Variants in DLG2 observed in about 807,000 individuals in gnomAD.
DLG2 encodes the protein disks large homolog 2.
A neutral mutation model predicts 132.5 loss-of-function variants in DLG2; 45 were observed. That is an observed-to-expected ratio of 0.34 (90% CI 0.27 to 0.44). The LOEUF is 0.44. Ranked by LOEUF, DLG2 falls within the 20% of genes least tolerant of loss-of-function variation. DLG2 has a pLI of 1.00. For missense variants in DLG2, 1,045 were observed against 1,196.9 expected (o/e 0.87, Z 1.87); for synonymous variants, 424 against 419.6 (o/e 1.01, Z -0.13).
chr11:84,795,718 C>A (rs960097303), intron 6 of DLG2, among the ~76,000 whole-genome samples: 1 of 152,132 alleles, frequency 6.6e-6, no homozygotes, highest in African/African-American at 2.4e-5. Flanking sequence ...AGAGCTCCAG[C>A]CCTTTGGGGA....
chr11:83,758,209 G>C (rs541295995), intron 18 of DLG2, among the ~76,000 whole-genome samples: 6 of 152,158 alleles, frequency 3.9e-5, no homozygotes, highest in African/African-American at 1.4e-4. Flanking sequence ...TTCCAAACCT[G>C]CCACTTCTAT....
At chr11:83,852,734 GT>G (rs1039805504) in intron 16 of DLG2, among the ~76,000 whole-genome samples, 2 of 152,070 alleles carry the variant, frequency 1.3e-5, no homozygotes, top group Non-Finnish European at 1.5e-5. Context: ...TACAAGTTCT[GT>G]TTTTTTGCTA....
At chr11:85,108,060 A>C (rs1409412257) in intron 6 of DLG2, among the ~76,000 whole-genome samples, 1 of 151,796 alleles carries the variant, frequency 6.6e-6, no homozygotes, top group Non-Finnish European at 1.5e-5. Flanking sequence ...TAGTTAATAG[A>C]AGCCATTTTC....
chr11:85,020,883 G>A, intron 6 of DLG2: 1 of 765,486 alleles, frequency 1.3e-6, no homozygotes. Context: ...CCCCTCCTCA[G>A]CAGAGTCATG....
At chr11:84,186,754 T>A (rs535904238) in intron 8 of DLG2, among the ~76,000 whole-genome samples, 2 of 152,140 alleles carry the variant, frequency 1.3e-5, no homozygotes, top group South Asian at 4.1e-4. Flanking sequence ...GAACAGTATA[T>A]TTATATAATC....
At chr11:85,214,644 T>A (rs958614765) in intron 4 of DLG2, among the ~76,000 whole-genome samples, 4 of 152,204 alleles carry the variant, frequency 2.6e-5, no homozygotes, top group African/African-American at 9.7e-5. Flanking sequence ...ATCTTGATTT[T>A]AAAATATCCT....
At chr11:84,210,159 T>G (rs2154308703) in intron 8 of DLG2, among the ~76,000 whole-genome samples, 1 of 152,050 alleles carries the variant, frequency 6.6e-6, no homozygotes, top group East Asian at 1.9e-4. Context: ...GGTACATGCC[T>G]GTAATCCCAG....
intron 6 of DLG2, among the ~76,000 whole-genome samples, chr11:85,069,882 A>C (rs1162792984): frequency 6.6e-6 from 1 of 152,142 alleles, no homozygotes; most frequent in Admixed American, 6.5e-5. Context: ...TATTCACAAT[A>C]GCAAAGACTT....
At chr11:84,705,754 A>G (rs2059716519) in intron 6 of DLG2, among the ~76,000 whole-genome samples, 1 of 151,802 alleles carries the variant, frequency 6.6e-6, no homozygotes, top group African/African-American at 2.4e-5. Context: ...GGAGTTCAGT[A>G]GAAATTATAT....
At chr11:85,422,090 C>G (rs1565468250) in intron 3 of DLG2, among the ~76,000 whole-genome samples, 1 of 152,116 alleles carries the variant, frequency 6.6e-6, no homozygotes, top group Admixed American at 6.6e-5. Context: ...TATAGGTTAC[C>G]TGGTGCTTTT....
chr11:83,638,204 G>A (rs1449660019), intron 18 of DLG2, among the ~76,000 whole-genome samples: 1 of 152,106 alleles, frequency 6.6e-6, no homozygotes, highest in African/African-American at 2.4e-5. Flanking sequence ...TTTTGAGTAT[G>A]TAAAGCCAGT....
chr11:85,188,947 T>G (rs1349504755), intron 4 of DLG2, among the ~76,000 whole-genome samples: 1 of 152,120 alleles, frequency 6.6e-6, no homozygotes, highest in African/African-American at 2.4e-5. Flanking sequence ...GCCCCAAGCT[T>G]TTAAAATTTG....
chr11:83,699,369 C>A (rs1193827248), intron 18 of DLG2, among the ~76,000 whole-genome samples: 1 of 151,986 alleles, frequency 6.6e-6, no homozygotes, highest in East Asian at 1.9e-4. Flanking sequence ...TGTACTGATA[C>A]ATAAAGATCT....
chr11:83,522,785 A>G (rs2095513748), intron 21 of DLG2, among the ~76,000 whole-genome samples: 1 of 143,880 alleles, frequency 7.0e-6, no homozygotes, highest in Non-Finnish European at 1.5e-5. Context: ...AGTTAAGAAT[A>G]GGATAGTCTA....
At chr11:83,507,574 A>G (rs1226819557) in intron 21 of DLG2, among the ~76,000 whole-genome samples, 3 of 144,914 alleles carry the variant, frequency 2.1e-5, no homozygotes, top group African/African-American at 7.5e-5. Context: ...TATATATCCT[A>G]TAGATATCTA....
intron 17 of DLG2, among the ~76,000 whole-genome samples, chr11:83,811,575 G>A (rs1296683647): frequency 6.6e-6 from 1 of 151,978 alleles, no homozygotes; most frequent in African/African-American, 2.4e-5. Flanking sequence ...TAAAATTCAC[G>A]ACATTTGCTG....
intron 6 of DLG2, among the ~76,000 whole-genome samples, chr11:85,111,338 T>A (rs951324396): frequency 1.3e-5 from 2 of 152,100 alleles, no homozygotes; most frequent in Non-Finnish European, 2.9e-5. Flanking sequence ...GCATCTAAAA[T>A]CAAGTATTGC....
chr11:84,198,434 T>C (rs1184312565), intron 8 of DLG2, among the ~76,000 whole-genome samples: 1 of 152,148 alleles, frequency 6.6e-6, no homozygotes, highest in Non-Finnish European at 1.5e-5. Flanking sequence ...TTTTTCTTAA[T>C]TTTATTTTAA....
At chr11:83,850,686 G>C (rs1264320737) in intron 16 of DLG2, among the ~76,000 whole-genome samples, 1 of 152,180 alleles carries the variant, frequency 6.6e-6, no homozygotes, top group African/African-American at 2.4e-5. Context: ...GGCAAACAGA[G>C]ATTCAATTCT....
Sources: allele counts gnomAD v4.1 joint callset (sites outside exome capture counted in the v4.1 genomes callset), GRCh38; gene constraint gnomAD v4.1.1; transcripts MANE v1.5; gene names NCBI Gene and HGNC (gene_info 2026-07-23, HGNC 2026-07-21).